LAMB4: variants seen among roughly 807,000 people sequenced by gnomAD.
The protein encoded by LAMB4 is laminin subunit beta 4, also known as laminin subunit beta-4.
Under a neutral mutation model 199.2 loss-of-function variants are expected in LAMB4, and 196 were observed. The observed-to-expected ratio is 0.98, with a 90% CI of 0.88 to 1.11. The LOEUF is 1.11. Ranked by LOEUF, LAMB4 falls within the 50% of genes least tolerant of loss-of-function variation. The probability of loss-of-function intolerance (pLI) is 0.00; values close to 1 mark genes in which losing one functional copy is unlikely to be tolerated. For synonymous variants in LAMB4, 744 were observed against 770.6 expected, an observed-to-expected ratio of 0.97 and a Z score of 0.57; for missense variants, 2,080 against 2,171.2, an observed-to-expected ratio of 0.96 and a Z score of 0.83.
In LAMB4 at chr7:108,103,031, C is replaced by G. The variant is rs530922773; in HGVS notation, c.1180+13G>C. On this transcript the variant is annotated intron_variant, in intron 10 of 33. Coordinates refer to ENST00000388781, the MANE Select transcript of LAMB4 (RefSeq NM_007356.3). ...AGACAGTGGGTAGGATCCAGGCAGA[C>G]CCGGGGACTCACGAATGCACGCGTA... 6.4e-7 allele frequency: 1 copy of G among 1,561,312 alleles called. No individual in the cohort carries two copies. Among genetic ancestry groups the G allele is most frequent in the Non-Finnish European group, 8.7e-7 (1 of 1,143,996 alleles).
In LAMB4 at chr7:108,098,483, T is replaced by C. The variant is rs368361747; in HGVS notation, c.1280A>G (p.Glu427Gly). The C allele has an allele frequency of 2.9e-5, 46 of 1,606,206 alleles. No homozygotes were observed. The highest frequency in any genetic ancestry group is 3.7e-5 in the Non-Finnish European group (44 of 1,176,870). ...GTCGCATTTGGCTCCTTCCACGTTC[T>C]CTTTACAAAGGCACTGGCCGGCCAC... ...GSVAGQCLCK[E>G]NVEGAKCDQC... The change falls in exon 11 of 34, where the codon GAG becomes GGG. Residue 427 changes from glutamate (E) to glycine (G), a missense_variant. Physicochemically the swap from Glu to Gly is moderately conservative, Grantham distance 98. Coordinates refer to ENST00000388781, the MANE Select transcript of LAMB4 (RefSeq NM_007356.3).
intron 24 of LAMB4, among the ~76,000 whole-genome samples, chr7:108,057,148 G>T (rs2036010935): frequency 6.6e-6 from 1 of 152,120 alleles, no homozygotes; most frequent in Non-Finnish European, 1.5e-5. Context: ...CCCATCCTTA[G>T]CCGCTCTTCC....
At chr7:108,106,633 ACT>A (rs1014061107) in intron 6 of LAMB4, 61 bp from the exon 7 acceptor site, 3 of 978,780 alleles carry the variant, frequency 3.1e-6, no homozygotes, top group Non-Finnish European at 3.0e-6. Flanking sequence ...TGTCAAACAC[ACT>A]CTTTTTTTTT....
chr7:108,106,469 T>A (rs764940153), intron 7 of LAMB4, 40 bp downstream of exon 7: 12 of 1,224,302 alleles, frequency 9.8e-6, no homozygotes, highest in Non-Finnish European at 1.4e-5. Context: ...AACATGAAAT[T>A]TTTTTAAAGC....
At chr7:108,013,012 T>G in the LAMB4 span, among the ~76,000 whole-genome samples, 4 of 152,212 alleles carry the variant, frequency 2.6e-5, no homozygotes, top group African/African-American at 4.8e-5. Flanking sequence ...TCTTTCTAGA[T>G]TATTCTAGAA....
chr7:108,106,757 G>C (rs2038032013), intron 6 of LAMB4, among the ~76,000 whole-genome samples, 185 bp from the exon 7 acceptor site: 1 of 151,834 alleles, frequency 6.6e-6, no homozygotes, highest in South Asian at 2.1e-4. Context: ...GTAGAGGTGG[G>C]GTTCTCCCTA....
intron 13 of LAMB4, 115 bp from the exon 14 acceptor site, chr7:108,091,891 A>G (rs1162522181): frequency 2.0e-6 from 2 of 998,470 alleles, no homozygotes; most frequent in East Asian, 2.4e-5. Context: ...GAATCAGTCA[A>G]TCAATGGTCC....
At chr7:108,075,930 AG>A (rs2036685575) in intron 17 of LAMB4, 1 of 156,152 alleles carries the variant, frequency 6.4e-6, no homozygotes, top group African/African-American at 2.4e-5. Context: ...ACTGCACTGC[AG>A]CCTGGGTGAC....
chr7:108,065,882 G>A lies in LAMB4; in HGVS notation c.2716C>T (p.Gln906Ter). The A allele has an allele frequency of 6.2e-7, 1 of 1,614,054 alleles. No homozygotes were observed. Among genetic ancestry groups the A allele is most frequent in the Non-Finnish European group, 8.5e-7 (1 of 1,179,948 alleles). ...DGYYGNPSSG[Q>*]PCRPCLCPDD... ...GGACACAGGCAAGGACGACAGGGCT[G>A]TCCTGAAGAAGGATTTCCATAGTAA... Residue 906 changes from glutamine (Q) to a stop codon, truncating the protein, a stop_gained, in exon 21 of 34, where the codon CAG (glutamine) becomes TAG (stop). Transcript: ENST00000388781. LOFTEE classifies it high-confidence loss of function.
downstream of LAMB4, among the ~76,000 whole-genome samples, chr7:108,021,968 G>A (rs1005563137): frequency 6.6e-6 from 1 of 151,798 alleles, no homozygotes; most frequent in Admixed American, 6.5e-5. Context: ...CGGCCAACTG[G>A]ATTACTTCTT....
chr7:108,106,628 AAC>A, intron 6 of LAMB4, 56 bp from the exon 7 acceptor site: 2 of 1,049,632 alleles, frequency 1.9e-6, no homozygotes, highest in South Asian at 2.9e-5. Context: ...GTAATTGTCA[AAC>A]ACACTCTTTT....
chr7:108,099,567 G>T (rs1400485437), intron 10 of LAMB4, among the ~76,000 whole-genome samples: 1 of 152,184 alleles, frequency 6.6e-6, no homozygotes, highest in Non-Finnish European at 1.5e-5. Context: ...CAAATGTGTT[G>T]TTGGGCATTA....
At position 108,076,992 on chromosome 7, in the gene LAMB4, C is replaced by A. The variant is rs1305097156; in HGVS notation, c.2076G>T (p.Gln692His). ...VQYSIDVYFS[Q>H]PLQGESHAHS... ...GAGCGTGGGACTCTCCTTGCAAAGGCTGAGAAAAATAGACATCTATGGAAT... is the reference window on the plus strand; with the variant it reads ...GAGCGTGGGACTCTCCTTGCAAAGGATGAGAAAAATAGACATCTATGGAAT... The change falls in exon 17 of 34, where the codon CAG (glutamine) becomes CAT (histidine). Residue 692 changes from glutamine to histidine, a missense_variant. By Grantham distance (24) the Gln-to-His change is conservative. Coordinates refer to ENST00000388781, the MANE Select transcript of LAMB4 (RefSeq NM_007356.3). The A allele has an allele frequency of 1.2e-6, 2 of 1,614,030 alleles. No individual in the cohort carries two copies. The highest frequency in any genetic ancestry group is 1.7e-6 in the Non-Finnish European group (2 of 1,179,946).
At chr7:108,027,734 A>G (rs2034886302) in intron 33 of LAMB4, among the ~76,000 whole-genome samples, 1 of 152,200 alleles carries the variant, frequency 6.6e-6, no homozygotes, top group Non-Finnish European at 1.5e-5. Context: ...ATAAATATCA[A>G]TTGTGTAAAA....
At chr7:108,120,243 C>T (rs532685479) in intron 2 of LAMB4, among the ~76,000 whole-genome samples, 1 of 152,174 alleles carries the variant, frequency 6.6e-6, no homozygotes, top group East Asian at 1.9e-4. Context: ...GGCTTTCTTT[C>T]CTTCGATTTG....
chr7:108,048,380 G>T (rs1402205020), intron 27 of LAMB4, among the ~76,000 whole-genome samples: 3 of 152,008 alleles, frequency 2.0e-5, no homozygotes, highest in African/African-American at 7.2e-5. Context: ...TGGTCAGGCT[G>T]GTCTCAAACT....
At chr7:108,118,519 A>G (rs755874369) in intron 2 of LAMB4, among the ~76,000 whole-genome samples, 3 of 152,180 alleles carry the variant, frequency 2.0e-5, no homozygotes, top group East Asian at 1.9e-4. Flanking sequence ...ATGCAACTCA[A>G]TGGAGGAAGA....
chr7:108,052,960 A>G (rs1266664053), intron 25 of LAMB4, among the ~76,000 whole-genome samples: 1 of 152,178 alleles, frequency 6.6e-6, no homozygotes, highest in African/African-American at 2.4e-5. Context: ...AAATGAATTT[A>G]TGGGACTAAT....
intron 2 of LAMB4, among the ~76,000 whole-genome samples, chr7:108,119,085 T>C (rs763213437): frequency 6.6e-6 from 1 of 152,126 alleles, no homozygotes; most frequent in Non-Finnish European, 1.5e-5. Context: ...CAAATCACAT[T>C]GAGATATCAC....
Sources: gnomAD v4.1 joint callset for allele counts (sites outside exome capture counted in the v4.1 genomes callset) on GRCh38, gnomAD v4.1.1 for gene constraint, MANE v1.5 for transcripts, NCBI Gene and HGNC (gene_info 2026-07-23, HGNC 2026-07-21) for gene names.